The following HIVEP1 variants were observed in gnomAD, a reference collection of about 807,000 sequenced individuals.
HIVEP1 encodes zinc finger protein 40.
In HIVEP1, 36 loss-of-function variants were observed where a neutral mutation model predicts 180.0. The ratio of observed to expected loss-of-function variants is 0.20; its 90% confidence interval spans 0.15 to 0.26. HIVEP1 has a LOEUF of 0.26. Among genes scored for constraint, HIVEP1 ranks in the 10% least tolerant of loss-of-function variants. HIVEP1 has a pLI of 1.00. For missense variants in HIVEP1, 3,143 were observed against 3,268.7 expected (o/e 0.96, Z 0.94); for synonymous variants, 1,239 against 1,239.0 (o/e 1.00, Z 0.00).
In HIVEP1 at chr6:12,051,016, A is replaced by ATATATG. The variant is rs1554135668; in HGVS notation, c.40+35353_40+35354insGTATAT. Among the ~76,000 whole-genome samples the ATATATG allele has an allele frequency of 7.4e-5, 10 of 135,842 alleles. 1 individual carries two copies. Among genetic ancestry groups the ATATATG allele is most frequent in the African/African-American group, 1.7e-4 (6 of 35,682 alleles). 89.1% of individuals were successfully genotyped at this position (135,842 alleles called of 152,430 possible). On this transcript the variant is annotated intron_variant, in intron 2 of 8. Coordinates refer to ENST00000379388, the MANE Select transcript of HIVEP1 (RefSeq NM_002114.4). ...TACACAAGTGCATATATATATATATATATATATATATATATGTATATTAAA... is the reference window on the plus strand; with the variant it reads ...TACACAAGTGCATATATATATATATATATATGTATATATATATATATGTATATTAAA...
Position 12,123,039 on chromosome 6 carries a change from C to G in HIVEP1, c.3244C>G (p.Gln1082Glu). 6.2e-7 allele frequency: 1 copy of G among 1,614,166 alleles called. No individual in the cohort carries two copies. Among genetic ancestry groups the G allele is most frequent in the South Asian group, 1.1e-5 (1 of 91,084 alleles). The change falls in exon 4 of 9, where the codon CAG becomes GAG. Residue 1082 changes from glutamine to glutamate, a missense_variant. This residue lies in a region of HIVEP1 where 1,357 missense variants were observed against 1,260.5 expected (regional missense o/e 1.08). Coordinates refer to ENST00000379388, the MANE Select transcript of HIVEP1 (RefSeq NM_002114.4). ...TAATGTTACCATAAGAAGTGACCAGCAGCATAAAAATATACAGTTGCAAAA... is the reference window on the plus strand; with the variant it reads ...TAATGTTACCATAAGAAGTGACCAGGAGCATAAAAATATACAGTTGCAAAA... ...KHNVTIRSDQQHKNIQLQNSH... is the reference protein window; with the variant it reads ...KHNVTIRSDQEHKNIQLQNSH...
At chr6:12,009,114 T>TGGCGGTGGC (rs1322782510), upstream of HIVEP1, among the ~76,000 whole-genome samples, 4,874 of 143,904 alleles carry the variant, frequency 0.034, 118 homozygotes, top group Non-Finnish European at 0.05. Flanking sequence ...GATCTCCGCG[T>TGGCGGTGGC]GGCGGTGGCG....
intron 3 of HIVEP1, among the ~76,000 whole-genome samples, chr6:12,090,730 C>T (rs1358975480): frequency 3.6e-5 from 5 of 140,304 alleles, no homozygotes; most frequent in African/African-American, 1.3e-4. Flanking sequence ...TTCTCTATAG[C>T]CAGCCTTTTT....
the HIVEP1 span, among the ~76,000 whole-genome samples, chr6:12,192,430 T>G: frequency 6.6e-6 from 1 of 152,202 alleles, no homozygotes; most frequent in Non-Finnish European, 1.5e-5. Flanking sequence ...TTTTTTTGTA[T>G]TGGGAACTGA....
chr6:12,089,992 T>G (rs1773366571), intron 3 of HIVEP1, among the ~76,000 whole-genome samples: 1 of 152,080 alleles, frequency 6.6e-6, no homozygotes, highest in Admixed American at 6.6e-5. Flanking sequence ...TGCCTTTGTA[T>G]TATTTCACCA....
the HIVEP1 span, among the ~76,000 whole-genome samples, chr6:12,206,458 C>T: frequency 6.6e-6 from 1 of 152,038 alleles, no homozygotes; most frequent in Admixed American, 6.6e-5. Context: ...TGAACACACA[C>T]ACACAGAGAA....
chr6:12,161,960 T>C, intron 8 of HIVEP1, 31 bp downstream of exon 8: 1 of 1,558,714 alleles, frequency 6.4e-7, no homozygotes, highest in Non-Finnish European at 8.7e-7. Flanking sequence ...CTTTTATTTC[T>C]TTTTTCGTTT....
the HIVEP1 span, among the ~76,000 whole-genome samples, chr6:12,185,756 C>A: frequency 6.6e-6 from 1 of 152,190 alleles, no homozygotes; most frequent in Non-Finnish European, 1.5e-5. Flanking sequence ...TACCACTATA[C>A]ACCCATTGGA....
At chr6:12,141,528 TTAATG>T (rs745473561) in intron 7 of HIVEP1, among the ~76,000 whole-genome samples, 13 of 151,496 alleles carry the variant, frequency 8.6e-5, no homozygotes, top group Non-Finnish European at 1.9e-4. Context: ...ATATTAACCT[TTAATG>T]TAAATGGGCT....
At chr6:12,158,847 G>A (rs1261123285) in intron 7 of HIVEP1, among the ~76,000 whole-genome samples, 1 of 152,136 alleles carries the variant, frequency 6.6e-6, no homozygotes, top group East Asian at 1.9e-4. Context: ...AGGGGAGATG[G>A]ATCCAGGTGT....
At chr6:12,172,501 A>T in the HIVEP1 span, among the ~76,000 whole-genome samples, 2 of 152,166 alleles carry the variant, frequency 1.3e-5, no homozygotes, top group Non-Finnish European at 2.9e-5. Flanking sequence ...TAAACAGGAA[A>T]TTTTCCTGGC....
intron 3 of HIVEP1, among the ~76,000 whole-genome samples, chr6:12,090,649 G>A (rs565747717): frequency 1.3e-5 from 2 of 151,396 alleles, no homozygotes; most frequent in East Asian, 3.9e-4. Context: ...CCTTTGAAGG[G>A]TTGACTGACT....
intron 2 of HIVEP1, among the ~76,000 whole-genome samples, chr6:12,070,827 A>G (rs1193833762): frequency 6.6e-6 from 1 of 152,144 alleles, no homozygotes; most frequent in Non-Finnish European, 1.5e-5. Context: ...TTTCCCATCC[A>G]TCTGATCAGT....
rs867301052 is a variant in HIVEP1, at chr6:12,028,485, A to G, written c.40+12817A>G. 4.6e-5 allele frequency among the ~76,000 whole-genome samples: 7 copies of G among 152,358 alleles called. No individual in the cohort carries two copies. In the South Asian group the frequency reaches 1.0e-3, roughly 23 times the overall value. ...TTAAATGCTTTATTTATCCTTCTGTATGTTGACAGTTTAGGTTGATCTATC... is the reference window on the plus strand; with the variant it reads ...TTAAATGCTTTATTTATCCTTCTGTGTGTTGACAGTTTAGGTTGATCTATC... On this transcript the variant is annotated intron_variant, in intron 2 of 8. Transcript: ENST00000379388.
rs918416523 is a variant in HIVEP1, at chr6:12,125,042, C to T, written c.5247C>T (p.Ser1749=). ...CAGCTTCGAGTAAAAGGATGCTTTC[C>T]CCAGCAAATAGTTTAGACATTGCCA... ...ESSASSKRML[S]PANSLDIAME... The change falls in exon 4 of 9, where the codon TCC becomes TCT. Residue 1749 remains serine (S), a synonymous_variant. Coordinates refer to ENST00000379388, the MANE Select transcript of HIVEP1 (RefSeq NM_002114.4). 6.2e-7 allele frequency: 1 copy of T among 1,614,130 alleles called. No homozygotes were observed. Among genetic ancestry groups the T allele is most frequent in the Admixed American group, 1.7e-5 (1 of 60,014 alleles).
chr6:12,191,691 A>C, the HIVEP1 span, among the ~76,000 whole-genome samples: 20 of 152,256 alleles, frequency 1.3e-4, no homozygotes, highest in Admixed American at 1.0e-3. Flanking sequence ...ATATCGTTTG[A>C]TTAATTTTGC....
Position 12,124,773 on chromosome 6 carries a change from G to C in HIVEP1, c.4978G>C (p.Val1660Leu). The stretch of plus-strand genomic sequence containing the variant: ...ACTCACATCCCTGCCACAAATACTA[G>C]TGACCCAAGATCTGCCCAATCAGCC... The part of the protein sequence containing the change: ...ATLTSLPQIL[V>L]TQDLPNQPIC... The change falls in exon 4 of 9, where the codon GTG becomes CTG. Residue 1660 changes from valine (V) to leucine (L), a missense_variant. Around this residue, in one of 12 missense-constraint regions of HIVEP1, gnomAD observed 1,357 missense variants for 1,260.5 expected, o/e 1.08. Coordinates refer to ENST00000379388, the MANE Select transcript of HIVEP1 (RefSeq NM_002114.4). 2.5e-6 allele frequency: 4 copies of C among 1,614,134 alleles called. No individual in the cohort carries two copies. The highest frequency in any genetic ancestry group is 3.4e-6 in the Non-Finnish European group (4 of 1,180,018).
chr6:12,169,398 C>G (rs1034236292), downstream of HIVEP1, among the ~76,000 whole-genome samples: 5 of 152,120 alleles, frequency 3.3e-5, no homozygotes, highest in African/African-American at 1.2e-4. Context: ...ATTATCTGCT[C>G]CTAGGTGTTC....
chr6:12,157,151 A>G (rs550784055), intron 7 of HIVEP1, among the ~76,000 whole-genome samples: 4 of 152,218 alleles, frequency 2.6e-5, no homozygotes, highest in African/African-American at 7.2e-5. Flanking sequence ...TTATTGATTT[A>G]TGGTATATCT....
Sources: allele counts gnomAD v4.1 joint callset (sites outside exome capture counted in the v4.1 genomes callset), GRCh38; gene constraint gnomAD v4.1.1; regional missense constraint gnomAD v4.1.1; transcripts MANE v1.5; gene names NCBI Gene and HGNC (gene_info 2026-07-23, HGNC 2026-07-21).